LUZP2: variants seen among roughly 807,000 people sequenced by gnomAD.
LUZP2 encodes the protein leucine zipper protein 2.
Under a neutral mutation model 51.6 loss-of-function variants are expected in LUZP2, and 52 were observed. The ratio of observed to expected loss-of-function variants is 1.01; its 90% CI spans 0.81 to 1.27. The LOEUF is 1.27. Ranked by LOEUF, LUZP2 falls within the 50% of genes most tolerant of loss-of-function variation. The pLI is 0.00. For missense variants in LUZP2, 436 were observed against 395.4 expected (o/e 1.10, Z -0.87); for synonymous variants, 154 against 137.3 (o/e 1.12, Z -0.85).
chr11:25,005,910 C>T lies in LUZP2; in HGVS notation c.765+22617C>T, dbSNP rs558325280. On this transcript the variant is annotated intron_variant, in intron 9 of 11. Transcript: ENST00000336930. The stretch of plus-strand genomic sequence containing the variant: ...TTCTCCTGTTAGTATCGGGATCTTA[C>T]CCCTGTCCTATAAAGATGTTATGCC... 4.9e-4 allele frequency among the ~76,000 whole-genome samples: 74 copies of T among 152,230 alleles called. 1 individual carries two copies. The highest frequency in any genetic ancestry group is 1.7e-3 in the African/African-American group (72 of 41,544).
At chr11:24,786,821 G>A (rs1168790373) in intron 5 of LUZP2, 1 of 150,966 alleles carries the variant, frequency 6.6e-6, no homozygotes, top group Admixed American at 6.6e-5. Flanking sequence ...AATTGCCTAT[G>A]TTTTCTTTCA....
intron 9 of LUZP2, among the ~76,000 whole-genome samples, chr11:25,007,230 C>T (rs554855966): frequency 2.0e-5 from 3 of 152,270 alleles, no homozygotes; most frequent in Non-Finnish European, 2.9e-5. Context: ...CCGGGTTCAC[C>T]TCTCACTATT....
At chr11:24,646,471 A>C (rs1855466011) in intron 1 of LUZP2, 1 of 371,706 alleles carries the variant, frequency 2.7e-6, no homozygotes, top group African/African-American at 2.2e-5. Flanking sequence ...TCAGAGACTC[A>C]GAGTTTCCTA....
chr11:24,739,510 A>T (rs1859058757), intron 4 of LUZP2, among the ~76,000 whole-genome samples: 1 of 152,044 alleles, frequency 6.6e-6, no homozygotes, highest in African/African-American at 2.4e-5. Flanking sequence ...CAAGCATATG[A>T]TTGGGTTGTT....
intron 7 of LUZP2, among the ~76,000 whole-genome samples, chr11:24,943,203 A>G (rs1417982586): frequency 2.0e-5 from 3 of 152,186 alleles, no homozygotes; most frequent in African/African-American, 7.2e-5. Context: ...TTGCCGCTGA[A>G]TAGAGTAATT....
intron 1 of LUZP2, among the ~76,000 whole-genome samples, chr11:24,677,627 AT>A (rs1856605426): frequency 6.6e-6 from 1 of 151,922 alleles, no homozygotes; most frequent in African/African-American, 2.4e-5. Flanking sequence ...TCTTTTTCTC[AT>A]TGTTCTTTAT....
intron 9 of LUZP2, among the ~76,000 whole-genome samples, chr11:25,009,467 ATTAGTG>A (rs1007751010): frequency 6.6e-6 from 1 of 152,180 alleles, no homozygotes; most frequent in African/African-American, 2.4e-5. Flanking sequence ...TTATTGGAAT[ATTAGTG>A]TTAGTACTTC....
intron 1 of LUZP2, among the ~76,000 whole-genome samples, chr11:24,553,928 CTT>C (rs1327163416): frequency 6.6e-6 from 1 of 152,132 alleles, no homozygotes; most frequent in Non-Finnish European, 1.5e-5. Flanking sequence ...GCTAAAAAGA[CTT>C]TGAAAGTATT....
intron 5 of LUZP2, among the ~76,000 whole-genome samples, chr11:24,855,248 C>A (rs1590644283): frequency 6.6e-6 from 1 of 152,206 alleles, no homozygotes; most frequent in Non-Finnish European, 1.5e-5. Context: ...CCAAAAGACT[C>A]CTAGATGTGA....
At chr11:24,654,088 C>A (rs1032861928) in intron 1 of LUZP2, among the ~76,000 whole-genome samples, 3 of 152,040 alleles carry the variant, frequency 2.0e-5, no homozygotes, top group Non-Finnish European at 2.9e-5. Flanking sequence ...TGTCGTTGAG[C>A]AAAATGTAGA....
rs571648570 is a variant in LUZP2 at position 25,058,860 on chromosome 11, A to T, written c.858+8730A>T. ...CTTTTCAGTTTCTTAACTTATAAATATTAAACCAGCACTAAAACATTGTTC... is the reference window on the plus strand; with the variant it reads ...CTTTTCAGTTTCTTAACTTATAAATTTTAAACCAGCACTAAAACATTGTTC... On this transcript the variant is annotated intron_variant, in intron 10 of 11. Coordinates refer to ENST00000336930, the MANE Select transcript of LUZP2 (RefSeq NM_001009909.4). Among the ~76,000 whole-genome samples the T allele has an allele frequency of 5.9e-5, 9 of 152,360 alleles. No homozygotes were observed. In the South Asian group the frequency reaches 1.9e-3, roughly 32 times the overall value.
intron 5 of LUZP2, chr11:24,831,958 A>T (rs1850717177): frequency 6.6e-6 from 1 of 152,622 alleles, no homozygotes; most frequent in Admixed American, 6.5e-5. Context: ...CATGAGGACC[A>T]TGTCAATATA....
chr11:25,031,956 C>T (rs1236452467), intron 9 of LUZP2, among the ~76,000 whole-genome samples: 2 of 151,944 alleles, frequency 1.3e-5, no homozygotes, highest in Admixed American at 6.6e-5. Context: ...AGAAATAATA[C>T]CCTAGATTTT....
At chr11:24,968,791 T>C (rs1855662194) in intron 7 of LUZP2, among the ~76,000 whole-genome samples, 1 of 152,214 alleles carries the variant, frequency 6.6e-6, no homozygotes, top group South Asian at 2.1e-4. Flanking sequence ...ACTACAGTGA[T>C]CATCTTGGGC....
At chr11:25,076,642 G>T (rs1228023647) in intron 10 of LUZP2, among the ~76,000 whole-genome samples, 1 of 142,286 alleles carries the variant, frequency 7.0e-6, no homozygotes, top group South Asian at 2.4e-4. Context: ...AAGGGAAAAA[G>T]AGGGAAGGAA....
At chr11:25,050,647 C>A (rs2134022827) in intron 10 of LUZP2, among the ~76,000 whole-genome samples, 1 of 152,122 alleles carries the variant, frequency 6.6e-6, no homozygotes, top group African/African-American at 2.4e-5. Flanking sequence ...TTCCATTAAG[C>A]ATTGCAACTA....
chr11:24,785,532 T>G (rs1590522525), intron 5 of LUZP2, among the ~76,000 whole-genome samples: 1 of 152,042 alleles, frequency 6.6e-6, no homozygotes, highest in East Asian at 1.9e-4. Flanking sequence ...ATGACATATT[T>G]ATATTGTCAT....
At position 24,580,149 on chromosome 11, in the gene LUZP2, G is replaced by A. The variant is rs533326266; in HGVS notation, c.62+82844G>A. Reference sequence around the variant, plus strand: ...TATCCCTAGTTCCCTGATGTTTAATGATGTTACAATGTAATCCACAGATGT... The same window carrying A: ...TATCCCTAGTTCCCTGATGTTTAATAATGTTACAATGTAATCCACAGATGT... On this transcript the variant is annotated intron_variant, in intron 1 of 11. Transcript: ENST00000336930. 6.6e-5 allele frequency among the ~76,000 whole-genome samples: 10 copies of A among 152,150 alleles called. No homozygotes were observed. In the East Asian group the frequency reaches 1.7e-3, roughly 26 times the overall value.
At chr11:24,856,142 G>C (rs10767252) in intron 5 of LUZP2, among the ~76,000 whole-genome samples, 23,024 of 151,694 alleles carry the variant, frequency 0.15, 1,899 homozygotes, top group African/African-American at 0.2. Flanking sequence ...CACAGCAAAA[G>C]AAAAAATAAA....
Sources: allele counts gnomAD v4.1 joint callset (sites outside exome capture counted in the v4.1 genomes callset), GRCh38; gene constraint gnomAD v4.1.1; transcripts MANE v1.5; gene names NCBI Gene and HGNC (gene_info 2026-07-23, HGNC 2026-07-21).